Variants in WFDC8 observed in about 807,000 individuals in gnomAD.
WFDC8 encodes WAP four-disulfide core domain 8.
Under a neutral mutation model 27.0 loss-of-function variants are expected in WFDC8, and 24 were observed. The observed-to-expected ratio is 0.89, with a 90% confidence interval of 0.64 to 1.25. The LOEUF (loss-of-function observed/expected upper bound fraction) is 1.25. WFDC8 is among the 50% of genes most tolerant of loss of function. WFDC8 has a pLI of 0.00. For missense variants in WFDC8, 287 were observed against 295.9 expected, an observed-to-expected ratio of 0.97 and a Z score of 0.22; for synonymous variants, 106 against 99.7, an observed-to-expected ratio of 1.06 and a Z score of -0.38.
chr20:45,574,495 A>G (rs1480757888), intron 1 of WFDC8, among the ~76,000 whole-genome samples: 2 of 152,126 alleles, frequency 1.3e-5, no homozygotes, highest in Non-Finnish European at 2.9e-5. Context: ...TCAACAGTAC[A>G]TTAAAAGGAT....
intron 3 of WFDC8, among the ~76,000 whole-genome samples, chr20:45,557,217 A>G (rs1303295961): frequency 6.6e-6 from 1 of 152,146 alleles, no homozygotes; most frequent in Non-Finnish European, 1.5e-5. Flanking sequence ...TTGCCAACCG[A>G]CTACCACTTC....
chr20:45,558,688 C>A (rs1980355043), intron 3 of WFDC8, among the ~76,000 whole-genome samples, 164 bp downstream of exon 3: 1 of 152,160 alleles, frequency 6.6e-6, no homozygotes, highest in African/African-American at 2.4e-5. Flanking sequence ...TTGATGGTCA[C>A]CATGCCTAGA....
chr20:45,555,185 T>C (rs1230177719), intron 4 of WFDC8, among the ~76,000 whole-genome samples: 1 of 152,226 alleles, frequency 6.6e-6, no homozygotes, highest in African/African-American at 2.4e-5. Flanking sequence ...ATTTGACTCC[T>C]AAGTTTGGTA....
At chr20:45,565,936 G>C (rs373884133) in intron 1 of WFDC8, among the ~76,000 whole-genome samples, 21 of 152,114 alleles carry the variant, frequency 1.4e-4, no homozygotes, top group East Asian at 9.6e-4. Context: ...TATGCAGTAA[G>C]ATAAAAGCAT....
intron 1 of WFDC8, among the ~76,000 whole-genome samples, chr20:45,570,299 A>G (rs1450125354): frequency 2.0e-5 from 3 of 152,216 alleles, no homozygotes; most frequent in Non-Finnish European, 2.9e-5. Context: ...GTTCAATGAA[A>G]AAAATTAATG....
intron 1 of WFDC8, chr20:45,568,721 A>G (rs1980768393): frequency 3.8e-6 from 2 of 528,600 alleles, no homozygotes; most frequent in Non-Finnish European, 7.7e-6. Context: ...AGAAGATGTG[A>G]GAGCAGATGG....
At chr20:45,566,454 G>T (rs1357743000) in intron 1 of WFDC8, among the ~76,000 whole-genome samples, 1 of 152,132 alleles carries the variant, frequency 6.6e-6, no homozygotes, top group Non-Finnish European at 1.5e-5. Context: ...TTGAGGTCAG[G>T]AGTTCAAGAC....
chr20:45,555,768 C>G lies in WFDC8; in HGVS notation c.378G>C (p.Arg126Ser), dbSNP rs142037201. Residue 126 changes from arginine (R) to serine (S), a missense_variant, in exon 4 of 6, where the codon AGG becomes AGC. Coordinates refer to ENST00000289953, the MANE Select transcript of WFDC8 (RefSeq NM_130896.3). ...KNYRCTPFKY[R>S]GCEGNANNFL... is the part of the protein sequence containing the mutation. ...AGTTGTTGGCATTCCCTTCGCAGCCCCTGTATTTGAAGGGTGTGCAGCGGT... is the reference window on the plus strand; with the variant it reads ...AGTTGTTGGCATTCCCTTCGCAGCCGCTGTATTTGAAGGGTGTGCAGCGGT... The G allele has an allele frequency of 6.2e-7, 1 of 1,613,580 alleles. No individual in the cohort carries two copies. Among genetic ancestry groups the G allele is most frequent in the East Asian group, 2.2e-5 (1 of 44,884 alleles).
chr20:45,579,272 C>T lies in WFDC8; in HGVS notation c.-25G>A, dbSNP rs1034519322. ...TCAGGCCTCTTCCCTATGGAGACAG[C>T]TTCCTCACTTTGCTCCAGCTCTAAG... On this transcript the variant is annotated 5_prime_UTR_variant, in exon 1 of 6. Coordinates refer to ENST00000289953, the MANE Select transcript of WFDC8 (RefSeq NM_130896.3). 2 of 1,613,764 alleles carry T rather than the reference C, an allele frequency of 1.2e-6. No homozygotes were observed. The highest frequency in any genetic ancestry group is 2.7e-5 in the African/African-American group (2 of 74,866).
Position 45,553,158 on chromosome 20 carries a change from A to G in WFDC8, c.564T>C (p.Phe188=), listed in dbSNP as rs753664010. The G allele has an allele frequency of 1.9e-6, 3 of 1,613,504 alleles. No individual in the cohort carries two copies. Among genetic ancestry groups the G allele is most frequent in the Non-Finnish European group, 2.5e-6 (3 of 1,179,752 alleles). ...TDKCCESRCG[F]VCARAWTVKK... is the part of the protein sequence containing the mutation. ...TACCTGTCCAGGCCCTGGCACAAAC[A>G]AAGCCACACCTGGATTCACAACATT... is the stretch of plus-strand genomic sequence containing the variant. Residue 188 remains phenylalanine, a synonymous_variant, in exon 5 of 6, where the codon TTT becomes TTC. Transcript: ENST00000289953.
At chr20:45,576,194 T>C (rs1981039821) in intron 1 of WFDC8, among the ~76,000 whole-genome samples, 1 of 151,356 alleles carries the variant, frequency 6.6e-6, no homozygotes, top group South Asian at 2.1e-4. Flanking sequence ...CCTTTTGATC[T>C]GTCAATGATT....
chr20:45,554,062 C>T (rs1383627835), intron 4 of WFDC8, among the ~76,000 whole-genome samples: 2 of 152,126 alleles, frequency 1.3e-5, no homozygotes, highest in Non-Finnish European at 2.9e-5. Flanking sequence ...ATTTCCCCAG[C>T]TCAAGTGATC....
rs1482952871 is a variant in WFDC8 at position 45,551,837 on chromosome 20, T to G, written c.*189A>C. 1.7e-6 allele frequency: 1 copy of G among 604,212 alleles called. No individual in the cohort carries two copies. Among genetic ancestry groups the G allele is most frequent in the East Asian group, 3.0e-5 (1 of 33,506 alleles). The allele number at this position is 604,212 out of a possible 1,614,324, so 37.4% of individuals were successfully genotyped here. On this transcript the variant is annotated 3_prime_UTR_variant, in exon 6 of 6. Coordinates refer to ENST00000289953, the MANE Select transcript of WFDC8 (RefSeq NM_130896.3). ...ACAAGAAGACAAGAAAATAAAGTCA[T>G]GAAGTTGAAAAAAAGCCAAATATAT...
chr20:45,552,311 G>T, intron 5 of WFDC8, 146 bp from the exon 6 acceptor site: 1 of 947,824 alleles, frequency 1.1e-6, no homozygotes, highest in Non-Finnish European at 1.6e-6. Flanking sequence ...GACTGGAGGA[G>T]GCAGAGTATC....
In WFDC8 at chr20:45,553,920, C is replaced by T. The variant is rs376999584; in HGVS notation, c.446-644G>A. ...AACTGTGATTGTGAAGTTTTTCAAC[C>T]AAGATGAGAAGCATGGATAGAACCG... On this transcript the variant is annotated intron_variant, in intron 4 of 5. Coordinates refer to ENST00000289953, the MANE Select transcript of WFDC8 (RefSeq NM_130896.3). Among the ~76,000 whole-genome samples, 216 of 152,180 alleles carry T rather than the reference C, an allele frequency of 1.4e-3. 4 individuals are homozygous for T. Among genetic ancestry groups the T allele is most frequent in the African/African-American group, 4.8e-3 (198 of 41,522 alleles).
chr20:45,578,870 T>C (rs987185394), intron 1 of WFDC8, among the ~76,000 whole-genome samples: 5 of 152,144 alleles, frequency 3.3e-5, no homozygotes, highest in African/African-American at 1.2e-4. Context: ...CAACTTACCC[T>C]ACTTGGGCTC....
chr20:45,567,933 C>T (rs1416351411), intron 1 of WFDC8: 1 of 206,846 alleles, frequency 4.8e-6, no homozygotes, highest in Non-Finnish European at 1.0e-5. Flanking sequence ...TCAAGCCATC[C>T]TCCTGCTTCA....
chr20:45,579,191 G>T (rs1188394895), intron 1 of WFDC8, 31 bp downstream of exon 1: 7 of 1,611,738 alleles, frequency 4.3e-6, no homozygotes, highest in East Asian at 4.5e-5. Flanking sequence ...CTCCATGTCT[G>T]GCTACCCACC....
At position 45,552,144 on chromosome 20, in the gene WFDC8, C is replaced by T. The variant is rs1299844246; in HGVS notation, c.608G>A (p.Arg203His). 9.9e-6 allele frequency: 16 copies of T among 1,613,818 alleles called. No individual in the cohort carries two copies. Among genetic ancestry groups the T allele is most frequent in the South Asian group, 8.8e-5 (8 of 91,010 alleles). ...AWTVKKGFCP[R>H]KPLLCTKIDK... Reference sequence around the variant, plus strand: ...AATCTTGGTACATAGCAAGGGCTTGCGTGGGCAGAAACCTTTTTTGACTTT... The same window carrying T: ...AATCTTGGTACATAGCAAGGGCTTGTGTGGGCAGAAACCTTTTTTGACTTT... The change falls in exon 6 of 6, where the codon CGC becomes CAC. Residue 203 changes from arginine (R) to histidine (H), a missense_variant. By Grantham distance (29) the Arg-to-His change is conservative. Coordinates refer to ENST00000289953, the MANE Select transcript of WFDC8 (RefSeq NM_130896.3).
Sources: allele counts gnomAD v4.1 joint callset (sites outside exome capture counted in the v4.1 genomes callset), GRCh38; gene constraint gnomAD v4.1.1; transcripts MANE v1.5; gene names NCBI Gene and HGNC (gene_info 2026-07-23, HGNC 2026-07-21).